The following ITGAD variants were observed in gnomAD, a reference collection of about 807,000 sequenced individuals.
ITGAD encodes integrin subunit alpha D.
ITGAD carries 105 observed loss-of-function variants against 139.0 expected under a neutral mutation model. That is an observed-to-expected ratio of 0.76 (90% confidence interval 0.65 to 0.89). The LOEUF (loss-of-function observed/expected upper bound fraction) is 0.89. Among genes scored for constraint, ITGAD ranks in the 40% least tolerant of loss-of-function variants. The pLI is 0.00. For synonymous variants in ITGAD, 569 were observed against 598.3 expected, an observed-to-expected ratio of 0.95 and a Z score of 0.71; for missense variants, 1,384 against 1,487.3, an observed-to-expected ratio of 0.93 and a Z score of 1.14.
At chr16:31,424,388 G>A (rs2082070156) in intron 28 of ITGAD, 79 bp from the exon 29 acceptor site, 3 of 1,314,936 alleles carry the variant, frequency 2.3e-6, no homozygotes, top group Admixed American at 1.7e-5. Context: ...CAGAAAGGAG[G>A]GGAGAGAGTT....
intron 1 of ITGAD, among the ~76,000 whole-genome samples, chr16:31,393,779 A>C (rs1171175556): frequency 6.6e-6 from 1 of 152,094 alleles, no homozygotes; most frequent in South Asian, 2.1e-4. Flanking sequence ...TCCTGACTGC[A>C]CGTAGGGAAG....
chr16:31,414,408 G>T (rs1226521906), intron 16 of ITGAD, 43 bp from the exon 17 acceptor site: 1 of 1,600,142 alleles, frequency 6.2e-7, no homozygotes, highest in Non-Finnish European at 8.5e-7. Flanking sequence ...AGCATTCTAG[G>T]TTATTTCTGC....
At chr16:31,396,111 C>T (rs533924067) in intron 2 of ITGAD, among the ~76,000 whole-genome samples, 1 of 152,116 alleles carries the variant, frequency 6.6e-6, no homozygotes, top group Non-Finnish European at 1.5e-5. Flanking sequence ...TTCTCATCAC[C>T]CAACATCCCC....
chr16:31,396,812 CA>C (rs2081273502), intron 2 of ITGAD, among the ~76,000 whole-genome samples: 1 of 152,202 alleles, frequency 6.6e-6, no homozygotes, highest in South Asian at 2.1e-4. Context: ...CTTGACTCTA[CA>C]TAACTATAGA....
chr16:31,419,196 C>CAA (rs79173110), intron 23 of ITGAD, among the ~76,000 whole-genome samples: 3 of 81,342 alleles, frequency 3.7e-5, no homozygotes, highest in African/African-American at 4.5e-5. Flanking sequence ...CTGTCTCAAA[C>CAA]AAAAAAAAAA....
chr16:31,425,467 C>G (rs1235710274), intron 29 of ITGAD, among the ~76,000 whole-genome samples: 3 of 152,232 alleles, frequency 2.0e-5, no homozygotes, highest in African/African-American at 7.2e-5. Flanking sequence ...CTGCCTGGAT[C>G]TATGCTGTCC....
intron 29 of ITGAD, 174 bp downstream of exon 29, chr16:31,424,751 C>T (rs2082079302): frequency 2.1e-6 from 1 of 474,064 alleles, no homozygotes; most frequent in Non-Finnish European, 3.7e-6. Context: ...GTGGACTGCA[C>T]CATGCCCGGC....
rs1033095766 is a variant in ITGAD, at chr16:31,425,313, C to T, written c.3373-702C>T. ...CTCAAACTCCTGACCTCATGTGATC[C>T]GCCCACCTCGGCCTCCCAAACTGCT... On this transcript the variant is annotated intron_variant, in intron 29 of 29. Transcript: ENST00000389202. Among the ~76,000 whole-genome samples the T allele has an allele frequency of 7.2e-5, 11 of 152,130 alleles. No individual in the cohort carries two copies. The East Asian group carries it at 7.7e-4, about 11-fold the overall frequency.
Position 31,402,115 on chromosome 16 carries a change from A to G in ITGAD, c.428A>G (p.Glu143Gly). 1 of 1,613,606 alleles carries G rather than the reference A, an allele frequency of 6.2e-7. No homozygotes were observed. ...IIQTVPDATP[E>G]CPHQEMDIVF... is the part of the protein sequence containing the mutation. ...CCGATTCCTCCCCATTCCCCCACAG[A>G]GTGTCCACATCAAGAGATGGACATC... The change falls in exon 6 of 30, where the codon GAG becomes GGG. Residue 143 changes from glutamate to glycine, a missense_variant and splice_region_variant. Coordinates refer to ENST00000389202, the MANE Select transcript of ITGAD (RefSeq NM_005353.3).
chr16:31,418,378 C>G lies in ITGAD; in HGVS notation c.2694C>G (p.Ser898Arg). The change falls in exon 22 of 30, where the codon AGC becomes AGG. Residue 898 changes from serine to arginine, a missense_variant and splice_region_variant. Physicochemically the swap from Ser to Arg is moderately radical, Grantham distance 110. Transcript: ENST00000389202. ...GGATGCTTATGAGGGCCAGTGCAAGCAGGTGGGTCCAGGCCAGGGTATCCC... is the reference window on the plus strand; with the variant it reads ...GGATGCTTATGAGGGCCAGTGCAAGGAGGTGGGTCCAGGCCAGGGTATCCC... The part of the protein sequence containing the change: ...GDRMLMRASA[S>R]SENNKASSSK... 6.2e-7 allele frequency: 1 copy of G among 1,613,898 alleles called. No individual in the cohort carries two copies.
chr16:31,419,975 C>T (rs574693371), intron 23 of ITGAD, among the ~76,000 whole-genome samples: 19 of 152,258 alleles, frequency 1.2e-4, no homozygotes, highest in Middle Eastern at 3.4e-3. Flanking sequence ...CACACATTGC[C>T]ACCACTGTGC....
Position 31,412,948 on chromosome 16 carries a change from G to A in ITGAD, c.1818G>A (p.Arg606=), listed in dbSNP as rs2081771337. The change falls in exon 15 of 30, where the codon CGG becomes CGA. Residue 606 remains arginine (R), a synonymous_variant. Coordinates refer to ENST00000389202, the MANE Select transcript of ITGAD (RefSeq NM_005353.3). The stretch of plus-strand genomic sequence containing the variant: ...TGATGGACCTGGCCGTGGGGGCCCG[G>A]GGCCAGGTGCTCCTGCTCAGGTAGC... ...DGLMDLAVGA[R]GQVLLLRSLP... The A allele has an allele frequency of 6.2e-7, 1 of 1,609,470 alleles. No individual in the cohort carries two copies. The highest frequency in any genetic ancestry group is 8.5e-7 in the Non-Finnish European group (1 of 1,177,830).
Position 31,411,193 on chromosome 16 carries a change from T to C in ITGAD, c.1474T>C (p.Ser492Pro), listed in dbSNP as rs780476230. 21 of 1,613,706 alleles carry C rather than the reference T, an allele frequency of 1.3e-5. No individual in the cohort carries two copies. The highest frequency in any genetic ancestry group is 1.8e-5 in the Non-Finnish European group (21 of 1,179,878). The part of the protein sequence containing the change: ...YYEQTRGGQV[S>P]VCPLPRGRVQ... ...TGAGCAGACCCGAGGGGGCCAGGTG[T>C]CCGTGTGTCCCTTGCCTAGGGGGGT... Residue 492 changes from serine (S) to proline (P), a missense_variant, in exon 13 of 30, where the codon TCC becomes CCC. Ser to Pro is a moderately conservative substitution (Grantham distance 74). Transcript: ENST00000389202.
At chr16:31,409,323 C>CA (rs1428997607) in intron 10 of ITGAD, among the ~76,000 whole-genome samples, 2 of 120,584 alleles carry the variant, frequency 1.7e-5, no homozygotes, top group Admixed American at 1.8e-4. Flanking sequence ...AAAACAAAAA[C>CA]AAAACAAAAC....
chr16:31,426,185 A>T lies in ITGAD; in HGVS notation c.*57A>T. On this transcript the variant is annotated 3_prime_UTR_variant, in exon 30 of 30. Coordinates refer to ENST00000389202, the MANE Select transcript of ITGAD (RefSeq NM_005353.3). ...TGGGCTGGACTTGCTTGCAACCATA[A>T]ATCAACTTACATGGAAACAACTTCT... 8.3e-7 allele frequency: 1 copy of T among 1,204,162 alleles called. No homozygotes were observed. Among genetic ancestry groups the T allele is most frequent in the Non-Finnish European group, 1.2e-6 (1 of 822,158 alleles). The allele number at this position is 1,204,162 out of a possible 1,614,324, so 74.6% of individuals were successfully genotyped here.
At chr16:31,409,364 T>A (rs1215634369) in intron 10 of ITGAD, among the ~76,000 whole-genome samples, 1 of 149,878 alleles carries the variant, frequency 6.7e-6, no homozygotes, top group Non-Finnish European at 1.5e-5. Context: ...CAAACCCAGA[T>A]GGGTTTACTT....
Position 31,397,590 on chromosome 16 carries a change from T to C in ITGAD, c.242-6T>C, listed in dbSNP as rs374878446. 360 of 1,606,744 alleles carry C rather than the reference T, an allele frequency of 2.2e-4. No homozygotes were observed. Among genetic ancestry groups the C allele is most frequent in the Non-Finnish European group, 2.7e-4 (319 of 1,179,756 alleles). ...TGAGTGAGACCCCGCGTGTCTGCCC[T>C]TGCAGTCCGCCCTGAGGCCGTGAAC... On this transcript the variant is annotated splice_polypyrimidine_tract_variant and splice_region_variant and intron_variant, in intron 3 of 29. Transcript: ENST00000389202.
At position 31,411,162 on chromosome 16, in the gene ITGAD, T is replaced by C; in HGVS notation, c.1443T>C (p.His481=). 6.2e-7 allele frequency: 1 copy of C among 1,613,816 alleles called. No homozygotes were observed. The highest frequency in any genetic ancestry group is 8.5e-7 in the Non-Finnish European group (1 of 1,179,886). Residue 481 remains histidine (H), a synonymous_variant, in exon 13 of 30, where the codon CAT becomes CAC. Transcript: ENST00000389202. ...STDLILIGAP[H]YYEQTRGGQV... is the part of the protein sequence containing the mutation. The stretch of plus-strand genomic sequence containing the variant: ...ACCTGATCCTCATTGGGGCCCCCCA[T>C]TACTATGAGCAGACCCGAGGGGGCC...
rs1380377815 is a variant in ITGAD, at chr16:31,410,723, C to A, written c.1214-13C>A. On this transcript the variant is annotated splice_polypyrimidine_tract_variant and intron_variant, in intron 11 of 29. Transcript: ENST00000389202. ...GGAATGGGGGCCTTTGTGCTGAGGC[C>A]TGGGCCCCTCAGGTTACTCCACCGA... The A allele has an allele frequency of 6.2e-7, 1 of 1,607,638 alleles. No homozygotes were observed. Among genetic ancestry groups the A allele is most frequent in the Non-Finnish European group, 8.5e-7 (1 of 1,177,566 alleles).
Sources: gnomAD v4.1 joint callset for allele counts (sites outside exome capture counted in the v4.1 genomes callset) on GRCh38, gnomAD v4.1.1 for gene constraint, MANE v1.5 for transcripts, NCBI Gene and HGNC (gene_info 2026-07-23, HGNC 2026-07-21) for gene names.